Variants in SLC7A2 observed in about 807,000 individuals in gnomAD.
The protein encoded by SLC7A2 is cationic amino acid transporter 2.
Under a neutral mutation model 58.9 loss-of-function variants are expected in SLC7A2, and 48 were observed. The observed-to-expected ratio is 0.82, with a 90% CI of 0.65 to 1.04. The LOEUF (loss-of-function observed/expected upper bound fraction) is 1.04, where lower values mean the gene tolerates loss of function less well. SLC7A2 is among the 50% of genes least tolerant of loss of function. The pLI, the probability that SLC7A2 is intolerant of heterozygous loss-of-function variation, is 0.00. For synonymous variants in SLC7A2, 363 were observed against 314.5 expected (o/e 1.15, Z -1.63); for missense variants, 1,029 against 818.8 (o/e 1.26, Z -3.13).
At chr8:17,551,642 A>G (rs1273025692) in intron 6 of SLC7A2, 122 bp from the exon 7 acceptor site, 26 of 731,132 alleles carry the variant, frequency 3.6e-5, no homozygotes, top group Non-Finnish European at 5.8e-5. Context: ...GGACCAAGAT[A>G]AGAAAAGGGA....
Position 17,570,042 on chromosome 8 carries a change from G to C in SLC7A2, c.*4896G>C, listed in dbSNP as rs1433604434. 6.6e-6 allele frequency: 1 copy of C among 152,160 alleles called. No homozygotes were observed. Among genetic ancestry groups the C allele is most frequent in the East Asian group, 1.9e-4 (1 of 5,200 alleles). The allele number at this position is 152,160 out of a possible 1,614,324, so 9.4% of individuals were successfully genotyped here. On this transcript the variant is annotated 3_prime_UTR_variant, in exon 13 of 13. Coordinates refer to ENST00000494857, the MANE Select transcript of SLC7A2 (RefSeq NM_001370338.1). ...CCCATGAGTATATCAAGATGAATAA[G>C]GACCAAGGGACCTCTGTGACTCATA... is the stretch of plus-strand genomic sequence containing the variant.
At chr8:17,519,575 G>T (rs1006442923) in intron 2 of SLC7A2, among the ~76,000 whole-genome samples, 24 of 152,166 alleles carry the variant, frequency 1.6e-4, no homozygotes, top group African/African-American at 5.6e-4. Context: ...AGGCTGTGGA[G>T]TATTGGGTTC....
At chr8:17,526,981 C>G (rs951751217) in intron 2 of SLC7A2, among the ~76,000 whole-genome samples, 2 of 152,008 alleles carry the variant, frequency 1.3e-5, no homozygotes, top group Admixed American at 6.6e-5. Flanking sequence ...GAGTGTTGAT[C>G]AATGGGTCAG....
At chr8:17,504,367 C>A (rs1800283488) in intron 2 of SLC7A2, among the ~76,000 whole-genome samples, 1 of 152,114 alleles carries the variant, frequency 6.6e-6, no homozygotes, top group Non-Finnish European at 1.5e-5. Flanking sequence ...AAACCCTTAC[C>A]TTTCAATTAG....
intron 2 of SLC7A2, among the ~76,000 whole-genome samples, chr8:17,535,647 A>G (rs113107957): frequency 4.6e-5 from 7 of 152,356 alleles, no homozygotes; most frequent in African/African-American, 1.7e-4. Flanking sequence ...TTACGCCTGT[A>G]ATCCCAGCAC....
At chr8:17,517,828 G>A (rs2150681454) in intron 2 of SLC7A2, among the ~76,000 whole-genome samples, 1 of 152,184 alleles carries the variant, frequency 6.6e-6, no homozygotes, top group South Asian at 2.1e-4. Context: ...TTAGGGGGCT[G>A]CCGAGAGCCT....
Position 17,560,536 on chromosome 8 carries a change from A to G in SLC7A2, c.1504+3A>G, listed in dbSNP as rs981154727. 5 of 1,611,104 alleles carry G rather than the reference A, an allele frequency of 3.1e-6. No individual in the cohort carries two copies. The Admixed American group carries it at 5.0e-5, about 16-fold the overall frequency. ...GAGCTTTCTGGTAGGATTCCTAGGTAAGTCTTCTTCTCTGCTTACATTGTA... is the reference window on the plus strand; with the variant it reads ...GAGCTTTCTGGTAGGATTCCTAGGTGAGTCTTCTTCTCTGCTTACATTGTA... On this transcript the variant is annotated splice_donor_region_variant and intron_variant, in intron 10 of 12. Coordinates refer to ENST00000494857, the MANE Select transcript of SLC7A2 (RefSeq NM_001370338.1).
intron 8 of SLC7A2, among the ~76,000 whole-genome samples, chr8:17,556,482 T>A (rs1802708609): frequency 6.6e-6 from 1 of 152,132 alleles, no homozygotes; most frequent in Non-Finnish European, 1.5e-5. Context: ...TTACTTTGCT[T>A]GTTCTTAACT....
chr8:17,550,487 A>G, intron 6 of SLC7A2, 53 bp downstream of exon 6: 1 of 1,560,066 alleles, frequency 6.4e-7, no homozygotes, highest in Non-Finnish European at 8.7e-7. Context: ...GTTGTGCACG[A>G]GTACCCGTGT....
chr8:17,496,849 C>T (rs1421319550), upstream of SLC7A2, among the ~76,000 whole-genome samples: 1 of 152,022 alleles, frequency 6.6e-6, no homozygotes, highest in Non-Finnish European at 1.5e-5. Flanking sequence ...TCTTCCCCGG[C>T]CCGCGCCCAC....
intron 2 of SLC7A2, among the ~76,000 whole-genome samples, chr8:17,540,430 C>A (rs1271006541): frequency 6.6e-6 from 1 of 151,958 alleles, no homozygotes; most frequent in Non-Finnish European, 1.5e-5. Context: ...CATGGAGAAC[C>A]TGACTACCCA....
chr8:17,529,545 T>C (rs1270323144), intron 2 of SLC7A2, among the ~76,000 whole-genome samples: 2 of 151,542 alleles, frequency 1.3e-5, no homozygotes, highest in Non-Finnish European at 2.9e-5. Context: ...TTTTTTTTTT[T>C]TGAGAGATAG....
chr8:17,518,275 C>T (rs946734980), intron 2 of SLC7A2, among the ~76,000 whole-genome samples: 1 of 151,438 alleles, frequency 6.6e-6, no homozygotes, highest in African/African-American at 2.4e-5. Flanking sequence ...GCAACTCCAT[C>T]GATTCTGAGT....
chr8:17,543,426 A>C lies in SLC7A2; in HGVS notation c.87A>C (p.Lys29Asn), dbSNP rs780561028. ...IVTLDSLEDT[K>N]LCRCLSTMDL... Reference sequence around the variant, plus strand: ...CCCTGGACAGTCTAGAAGACACCAAATTATGCCGCTGCTTATCCACCATGG... The same window carrying C: ...CCCTGGACAGTCTAGAAGACACCAACTTATGCCGCTGCTTATCCACCATGG... The change falls in exon 3 of 13, where the codon AAA becomes AAC. Residue 29 changes from lysine (K) to asparagine (N), a missense_variant. Physicochemically the swap from Lys to Asn is moderately conservative, Grantham distance 94 (BLOSUM62 0). Transcript: ENST00000494857. 1.2e-6 allele frequency: 2 copies of C among 1,614,000 alleles called. No individual in the cohort carries two copies. The highest frequency in any genetic ancestry group is 2.2e-5 in the South Asian group (2 of 91,084).
rs768496381 is a variant in SLC7A2 at position 17,563,701 on chromosome 8, G to A, written c.1770G>A (p.Trp590Ter). Reference protein sequence around the residue: ...SADTWVRFSIWMAIGFLIYFS... With the variant: ...SADTWVRFSI ...ACACTTGGGTCAGATTCAGCATTTGGATGGCAATTGGTAGGTCTTTTAATG... is the reference window on the plus strand; with the variant it reads ...ACACTTGGGTCAGATTCAGCATTTGAATGGCAATTGGTAGGTCTTTTAATG... Residue 590 changes from tryptophan (W) to a stop codon, truncating the protein, a stop_gained, in exon 12 of 13, where the codon TGG becomes TGA. Coordinates refer to ENST00000494857, the MANE Select transcript of SLC7A2 (RefSeq NM_001370338.1). LOFTEE classifies it high-confidence loss of function. The A allele has an allele frequency of 1.3e-6, 2 of 1,588,684 alleles. No homozygotes were observed. Among genetic ancestry groups the A allele is most frequent in the Admixed American group, 1.7e-5 (1 of 59,814 alleles).
intron 5 of SLC7A2, among the ~76,000 whole-genome samples, chr8:17,549,983 C>T (rs1323826228): frequency 6.6e-6 from 1 of 152,112 alleles, no homozygotes; most frequent in African/African-American, 2.4e-5. Flanking sequence ...TGGTCTTTGT[C>T]CCAGAGCATG....
intron 2 of SLC7A2, among the ~76,000 whole-genome samples, chr8:17,505,100 G>T (rs932720148): frequency 1.2e-4 from 5 of 42,800 alleles, no homozygotes; most frequent in Admixed American, 2.0e-4. Context: ...CCGCCCACCC[G>T]ATCCCATCCA....
At chr8:17,539,744 A>G (rs891127186) in intron 2 of SLC7A2, among the ~76,000 whole-genome samples, 1 of 152,166 alleles carries the variant, frequency 6.6e-6, no homozygotes, top group African/African-American at 2.4e-5. Flanking sequence ...GACAATGGTT[A>G]CAATGGTGCA....
chr8:17,521,262 C>G (rs957499533), intron 2 of SLC7A2, among the ~76,000 whole-genome samples: 1 of 152,132 alleles, frequency 6.6e-6, no homozygotes, highest in Non-Finnish European at 1.5e-5. Flanking sequence ...ACTTGTAGAG[C>G]TTAGGCAATG....
Sources: gnomAD v4.1 joint callset for allele counts (sites outside exome capture counted in the v4.1 genomes callset) on GRCh38, gnomAD v4.1.1 for gene constraint, MANE v1.5 for transcripts, NCBI Gene and HGNC (gene_info 2026-07-23, HGNC 2026-07-21) for gene names.